Variants in HYPK observed in about 807,000 individuals in gnomAD.
The protein encoded by HYPK is huntingtin interacting protein K.
Under a neutral mutation model 13.9 loss-of-function variants are expected in HYPK, and 9 were observed. The observed-to-expected ratio is 0.65, with a 90% CI of 0.39 to 1.13. HYPK has a LOEUF of 1.13. HYPK is among the 50% of genes most tolerant of loss of function. The probability of loss-of-function intolerance (pLI) is 0.01; values close to 1 mark genes in which losing one functional copy is unlikely to be tolerated. For missense variants in HYPK, 138 were observed against 157.6 expected (o/e 0.88, Z 0.67); for synonymous variants, 76 against 57.0 (o/e 1.33, Z -1.50).
intron 3 of HYPK, 45 bp from the exon 4 acceptor site, chr15:43,801,666 C>T (rs914645288): frequency 1.2e-6 from 2 of 1,608,576 alleles, no homozygotes; most frequent in Non-Finnish European, 1.7e-6. Context: ...TATTTGGTGG[C>T]ACATTAATGC....
intron 1 of HYPK, 84 bp downstream of exon 1, chr15:43,800,868 C>T (rs751210853): frequency 3.8e-6 from 5 of 1,331,006 alleles, no homozygotes; most frequent in African/African-American, 1.4e-5. Flanking sequence ...CGCTCCAAGA[C>T]GGGGTTCTGA....
In HYPK at chr15:43,801,928, T is replaced by G; in HGVS notation, c.*122T>G. 2 of 754,954 alleles carry G rather than the reference T, an allele frequency of 2.6e-6. No individual in the cohort carries two copies. The highest frequency in any genetic ancestry group is 4.4e-6 in the Non-Finnish European group (2 of 457,766). 46.8% of individuals were successfully genotyped at this position (754,954 alleles called of 1,614,324 possible). A position where few individuals can be genotyped will look rare whatever the true frequency, so the allele number is the denominator to read the frequency against. ...ATACTATATCCTATGTTGTGGAGAATTTATATGTTGGAGACTAACTGAATT... is the reference window on the plus strand; with the variant it reads ...ATACTATATCCTATGTTGTGGAGAAGTTATATGTTGGAGACTAACTGAATT... On this transcript the variant is annotated 3_prime_UTR_variant, in exon 4 of 4. Transcript: ENST00000442995.
chr15:43,801,633 TCCTGA>T, intron 3 of HYPK, 64 bp downstream of exon 3: 2 of 1,608,858 alleles, frequency 1.2e-6, no homozygotes, highest in Non-Finnish European at 1.7e-6. Context: ...TTGGGTTGTT[TCCTGA>T]AACAAGCGGA....
chr15:43,804,071 AAC>A lies in HYPK; in HGVS notation c.*2267_*2268del, dbSNP rs2087345670. Among the ~76,000 whole-genome samples, 1 of 151,772 alleles carries A rather than the reference AAC, an allele frequency of 6.6e-6. No individual in the cohort carries two copies. Among genetic ancestry groups the A allele is most frequent in the Non-Finnish European group, 1.5e-5 (1 of 68,010 alleles). ...GAGGCTGAGGCACTCTAGCCTGGGCAACAGAGCCGTCTCTTTAAAACAAACAA... is the reference window on the plus strand; with the variant it reads ...GAGGCTGAGGCACTCTAGCCTGGGCAAGAGCCGTCTCTTTAAAACAAACAA... On this transcript the variant is annotated 3_prime_UTR_variant, in exon 4 of 4. Coordinates refer to ENST00000442995, the MANE Select transcript of HYPK (RefSeq NM_016400.4).
chr15:43,801,484 G>C (rs1461304541), intron 2 of HYPK, 34 bp from the exon 3 acceptor site: 2 of 1,571,558 alleles, frequency 1.3e-6, no homozygotes. Context: ...TGTTGGTTGA[G>C]AATGAGGACT....
At position 43,804,335 on chromosome 15, in the gene HYPK, C is replaced by G. The variant is rs1401297310; in HGVS notation, c.*2529C>G. ...TCGTACGACACTAAACTATTTGATT[C>G]TTCCAGTGGGACATTTAAAGGATGT... On this transcript the variant is annotated 3_prime_UTR_variant, in exon 4 of 4. Coordinates refer to ENST00000442995, the MANE Select transcript of HYPK (RefSeq NM_016400.4). Among the ~76,000 whole-genome samples the G allele has an allele frequency of 6.6e-6, 1 of 152,150 alleles. No individual in the cohort carries two copies. The highest frequency in any genetic ancestry group is 1.5e-5 in the Non-Finnish European group (1 of 68,028).
chr15:43,800,505 T>G, upstream of HYPK: 3 of 1,340,388 alleles, frequency 2.2e-6, no homozygotes, highest in African/African-American at 4.3e-5. Flanking sequence ...CTTCTAGAAC[T>G]GGAGCAGAAA....
In HYPK at chr15:43,802,072, C is replaced by G; in HGVS notation, c.*266C>G. The G allele has an allele frequency of 2.2e-6, 1 of 462,366 alleles. No individual in the cohort carries two copies. The highest frequency in any genetic ancestry group is 4.0e-5 in the East Asian group (1 of 25,136). 28.6% of individuals were successfully genotyped at this position (462,366 alleles called of 1,614,324 possible). On this transcript the variant is annotated 3_prime_UTR_variant, in exon 4 of 4. Transcript: ENST00000442995. ...CATCTGACTAGCTCTCAACAGTATTCAAGGTACATCTGGAGTCTCAGCAGA... is the reference window on the plus strand; with the variant it reads ...CATCTGACTAGCTCTCAACAGTATTGAAGGTACATCTGGAGTCTCAGCAGA...
At chr15:43,801,464 G>T (rs982642952) in intron 2 of HYPK, 54 bp from the exon 3 acceptor site, 1 of 1,451,668 alleles carries the variant, frequency 6.9e-7, no homozygotes, top group African/African-American at 1.4e-5. Flanking sequence ...CCCTTCCTGG[G>T]AGTTTATGGT....
Position 43,804,079 on chromosome 15 carries a change from C to T in HYPK, c.*2273C>T, listed in dbSNP as rs963320943. Among the ~76,000 whole-genome samples, 1 of 150,694 alleles carries T rather than the reference C, an allele frequency of 6.6e-6. No individual in the cohort carries two copies. The highest frequency in any genetic ancestry group is 6.6e-5 in the Admixed American group (1 of 15,102). ...GGCACTCTAGCCTGGGCAACAGAGCCGTCTCTTTAAAACAAACAAACAAAC... is the reference window on the plus strand; with the variant it reads ...GGCACTCTAGCCTGGGCAACAGAGCTGTCTCTTTAAAACAAACAAACAAAC... On this transcript the variant is annotated 3_prime_UTR_variant, in exon 4 of 4. Transcript: ENST00000442995.
At chr15:43,801,681 G>A in intron 3 of HYPK, 30 bp from the exon 4 acceptor site, 3 of 1,612,570 alleles carry the variant, frequency 1.9e-6, no homozygotes, top group Non-Finnish European at 2.5e-6. Flanking sequence ...TAATGCCTGG[G>A]AACCTATGTA....
At chr15:43,800,489 C>A (rs768383406), upstream of HYPK, 12 of 1,241,188 alleles carry the variant, frequency 9.7e-6, no homozygotes, top group Non-Finnish European at 1.3e-5. Context: ...GCCTTCCTCC[C>A]TGAAGCTTCT....
chr15:43,800,750 A>T lies in HYPK; in HGVS notation c.128A>T (p.Glu43Val). 1 of 1,613,470 alleles carries T rather than the reference A, an allele frequency of 6.2e-7. No individual in the cohort carries two copies. ...ADLERVTDYA[E>V]EKEIQSSNLE... Reference sequence around the variant, plus strand: ...TTGGAGCGGGTCACCGACTATGCAGAGGAGAAGGAGATCCAGAGTTCCAAT... The same window carrying T: ...TTGGAGCGGGTCACCGACTATGCAGTGGAGAAGGAGATCCAGAGTTCCAAT... Residue 43 changes from glutamate to valine, a missense_variant, in exon 1 of 4, where the codon GAG becomes GTG. Coordinates refer to ENST00000442995, the MANE Select transcript of HYPK (RefSeq NM_016400.4).
upstream of HYPK, chr15:43,800,524 G>A (rs2087296546): frequency 4.0e-6 from 6 of 1,487,332 alleles, 1 homozygote; most frequent in Non-Finnish European, 5.6e-6. Flanking sequence ...AAGAAGGTGT[G>A]GCCCAGGGCC....
In HYPK at chr15:43,803,524, G is replaced by A. The variant is rs147798255; in HGVS notation, c.*1718G>A. On this transcript the variant is annotated 3_prime_UTR_variant, in exon 4 of 4. Coordinates refer to ENST00000442995, the MANE Select transcript of HYPK (RefSeq NM_016400.4). ...GTTAATCAGGGCCGGGCGTGGTGGCGCATGCCTATAATCCCAGCACTCTGG... is the reference window on the plus strand; with the variant it reads ...GTTAATCAGGGCCGGGCGTGGTGGCACATGCCTATAATCCCAGCACTCTGG... 8.5e-5 allele frequency among the ~76,000 whole-genome samples: 13 copies of A among 152,168 alleles called. No homozygotes were observed. The East Asian group carries it at 2.1e-3, about 25-fold the overall frequency.
At position 43,803,934 on chromosome 15, in the gene HYPK, C is replaced by T. The variant is rs866579052; in HGVS notation, c.*2128C>T. Among the ~76,000 whole-genome samples, 15 of 151,834 alleles carry T rather than the reference C, an allele frequency of 9.9e-5. No homozygotes were observed. The highest frequency in any genetic ancestry group is 1.3e-4 in the Non-Finnish European group (9 of 67,986). Reference sequence around the variant, plus strand: ...CTTTGGGAGGCTGAGGCGGGCGGATCGCGAAGTGAAGATCAAGACCATCCT... The same window carrying T: ...CTTTGGGAGGCTGAGGCGGGCGGATTGCGAAGTGAAGATCAAGACCATCCT... On this transcript the variant is annotated 3_prime_UTR_variant, in exon 4 of 4. Coordinates refer to ENST00000442995, the MANE Select transcript of HYPK (RefSeq NM_016400.4).
At chr15:43,800,912 C>A in intron 1 of HYPK, 128 bp downstream of exon 1, 1 of 1,020,382 alleles carries the variant, frequency 9.8e-7, no homozygotes, top group Non-Finnish European at 1.4e-6. Context: ...AGGGTAGAGC[C>A]GAGGGAAACA....
At position 43,803,979 on chromosome 15, in the gene HYPK, C is replaced by T. The variant is rs1431687396; in HGVS notation, c.*2173C>T. Among the ~76,000 whole-genome samples, 3 of 151,248 alleles carry T rather than the reference C, an allele frequency of 2.0e-5. No homozygotes were observed. Among genetic ancestry groups the T allele is most frequent in the African/African-American group, 7.3e-5 (3 of 41,130 alleles). On this transcript the variant is annotated 3_prime_UTR_variant, in exon 4 of 4. Transcript: ENST00000442995. ...CATCCTGGCTAACATGGTGAAACCC[C>T]GTCTCTACTAAAAATACAAAAATTA... is the stretch of plus-strand genomic sequence containing the variant.
At chr15:43,800,905 G>A in intron 1 of HYPK, 121 bp downstream of exon 1, 1 of 1,060,108 alleles carries the variant, frequency 9.4e-7, no homozygotes, top group Non-Finnish European at 1.3e-6. Context: ...AGGCAATAGG[G>A]TAGAGCCGAG....
Sources: allele counts gnomAD v4.1 joint callset (sites outside exome capture counted in the v4.1 genomes callset), GRCh38; gene constraint gnomAD v4.1.1; transcripts MANE v1.5; gene names NCBI Gene and HGNC (gene_info 2026-07-23, HGNC 2026-07-21).